MFAP3L: variants seen among roughly 807,000 people sequenced by gnomAD.
MFAP3L encodes microfibril associated protein 3 like.
MFAP3L carries 5 observed loss-of-function variants against 20.0 expected under a neutral mutation model. The ratio of observed to expected loss-of-function variants is 0.25; its 90% CI spans 0.13 to 0.53. MFAP3L has a LOEUF of 0.53. Ranked by LOEUF, MFAP3L falls within the 20% of genes least tolerant of loss-of-function variation. The pLI is 0.96. For missense variants in MFAP3L, 409 were observed against 527.5 expected (o/e 0.78, Z 2.20); for synonymous variants, 219 against 213.0 (o/e 1.03, Z -0.25).
Position 169,989,973 on chromosome 4 carries a change from G to A in MFAP3L, c.*1405C>T, listed in dbSNP as rs959694898. 2 of 152,216 alleles carry A rather than the reference G, an allele frequency of 1.3e-5. No individual in the cohort carries two copies. Among genetic ancestry groups the A allele is most frequent in the Non-Finnish European group, 2.9e-5 (2 of 68,028 alleles). 9.4% of individuals were successfully genotyped at this position (152,216 alleles called of 1,614,324 possible). On this transcript the variant is annotated 3_prime_UTR_variant, in exon 3 of 3. Coordinates refer to ENST00000361618, the MANE Select transcript of MFAP3L (RefSeq NM_021647.8). Reference sequence around the variant, plus strand: ...ATGTTAGGTGGACCAAGAGATGAAAGCAAAAATCTTTAAAGTCATTGTGAA... The same window carrying A: ...ATGTTAGGTGGACCAAGAGATGAAAACAAAAATCTTTAAAGTCATTGTGAA...
At chr4:169,997,434 ACT>A (rs1738260083) in intron 2 of MFAP3L, among the ~76,000 whole-genome samples, 1 of 152,166 alleles carries the variant, frequency 6.6e-6, no homozygotes, top group Non-Finnish European at 1.5e-5. Flanking sequence ...ATACTTAATG[ACT>A]CTAAAACATA....
Position 169,991,464 on chromosome 4 carries a change from C to A in MFAP3L, c.1144G>T (p.Val382Leu). ...GCTTCCAGGTAAGCTGGCGGCAGTA[C>A]CTTATCTGGTACCTCAACAGGTGTT... is the stretch of plus-strand genomic sequence containing the variant. The part of the protein sequence containing the change: ...EPTPVEVPDK[V>L]LPPAYLEATE... Residue 382 changes from valine to leucine, a missense_variant, in exon 3 of 3, where the codon GTA becomes TTA. Physicochemically the swap from Val to Leu is conservative, Grantham distance 32. This residue lies in a region of MFAP3L where 169 missense variants were observed against 178.2 expected (regional missense o/e 0.95). Transcript: ENST00000361618. The surrounding 1 kb of genome is among the most constrained non-coding windows in gnomAD (Gnocchi z 4.9). 1 of 1,614,046 alleles carries A rather than the reference C, an allele frequency of 6.2e-7. No homozygotes were observed. The highest frequency in any genetic ancestry group is 8.5e-7 in the Non-Finnish European group (1 of 1,180,016).
At chr4:169,999,191 A>AC (rs986324174) in intron 2 of MFAP3L, among the ~76,000 whole-genome samples, 3 of 151,974 alleles carry the variant, frequency 2.0e-5, no homozygotes, top group African/African-American at 7.3e-5. Context: ...CCCACTCACA[A>AC]CCCTCCCAAG....
chr4:169,995,430 T>C (rs1738071779), intron 2 of MFAP3L, among the ~76,000 whole-genome samples: 1 of 152,146 alleles, frequency 6.6e-6, no homozygotes, highest in Non-Finnish European at 1.5e-5. Flanking sequence ...AAAATAAAGA[T>C]TTCTGCACAT....
At chr4:170,012,986 C>T (rs950972548) in intron 1 of MFAP3L, among the ~76,000 whole-genome samples, 53 of 152,080 alleles carry the variant, frequency 3.5e-4, no homozygotes, top group East Asian at 1.9e-4. Context: ...ACAGAAGGCA[C>T]GTACTTTTTC....
intron 1 of MFAP3L, 55 bp downstream of exon 1, chr4:170,026,179 G>GGGCTGGCTCCCACCCGTGCCC (rs1730390244): frequency 2.1e-6 from 2 of 961,546 alleles, no homozygotes; most frequent in East Asian, 1.2e-4. Context: ...ACCCGGTGCG[G>GGGCTGGCTCCCACCCGTGCCC]GGCTGGCTCC....
intron 2 of MFAP3L, among the ~76,000 whole-genome samples, chr4:170,004,624 C>T (rs1172110519): frequency 6.6e-6 from 1 of 152,100 alleles, no homozygotes; most frequent in African/African-American, 2.4e-5. Flanking sequence ...GCATTAGCCT[C>T]TATTCTTTTT....
intron 2 of MFAP3L, chr4:169,993,512 G>A (rs904652014): frequency 2.6e-5 from 4 of 152,188 alleles, no homozygotes; most frequent in Admixed American, 2.6e-4. Context: ...TTTCCCAAAA[G>A]CAACTCTTTT....
chr4:169,994,668 A>AT, intron 2 of MFAP3L: 2 of 550,924 alleles, frequency 3.6e-6, no homozygotes, highest in Non-Finnish European at 4.6e-6. Context: ...TTCTTGTGAC[A>AT]TTGTTAAAAG....
chr4:170,001,618 T>C (rs1738622961), intron 2 of MFAP3L, among the ~76,000 whole-genome samples: 1 of 152,166 alleles, frequency 6.6e-6, no homozygotes, highest in Non-Finnish European at 1.5e-5. Flanking sequence ...TGAAAACACA[T>C]TGGATAATTA....
intron 2 of MFAP3L, among the ~76,000 whole-genome samples, chr4:169,998,977 A>G (rs1738415784): frequency 1.3e-5 from 2 of 152,240 alleles, no homozygotes; most frequent in Non-Finnish European, 2.9e-5. Flanking sequence ...GTTTGTATCT[A>G]TAAATGTGGC....
intron 1 of MFAP3L, among the ~76,000 whole-genome samples, chr4:170,020,125 A>C (rs542671659): frequency 6.6e-6 from 1 of 152,280 alleles, no homozygotes; most frequent in Middle Eastern, 3.4e-3. Flanking sequence ...AAGCACAGGC[A>C]GTGGAAGTTA....
intron 1 of MFAP3L, among the ~76,000 whole-genome samples, chr4:170,009,829 T>C (rs1739264978): frequency 6.6e-6 from 1 of 152,224 alleles, no homozygotes; most frequent in African/African-American, 2.4e-5. Flanking sequence ...GTTGCCCATG[T>C]ATTTCTGGAG....
At chr4:169,999,670 C>T (rs1477170526) in intron 2 of MFAP3L, among the ~76,000 whole-genome samples, 1 of 152,196 alleles carries the variant, frequency 6.6e-6, no homozygotes, top group Non-Finnish European at 1.5e-5. Context: ...AAGACTAAAG[C>T]TATCTGGGCT....
intron 1 of MFAP3L, among the ~76,000 whole-genome samples, chr4:170,022,321 T>G (rs1306439287): frequency 1.3e-5 from 2 of 152,210 alleles, no homozygotes; most frequent in Non-Finnish European, 2.9e-5. Context: ...ACCTGGGGTT[T>G]AGTTATCCAT....
At chr4:170,002,543 T>C (rs4295227) in intron 2 of MFAP3L, among the ~76,000 whole-genome samples, 21,741 of 151,946 alleles carry the variant, frequency 0.14, 4,051 homozygotes, top group African/African-American at 0.42. Flanking sequence ...CAGAGTCTCG[T>C]TCTGTCACCA....
chr4:169,992,584 C>T lies in MFAP3L; in HGVS notation c.299-275G>A, dbSNP rs970865110. Among the ~76,000 whole-genome samples, 16 of 152,318 alleles carry T rather than the reference C, an allele frequency of 1.1e-4. No individual in the cohort carries two copies. The South Asian group carries it at 3.1e-3, about 30-fold the overall frequency. ...GGTTAGACAACACTCCCAAGGGCACCGGCTTGGAAGCCGTAGAACTGAAGA... is the reference window on the plus strand; with the variant it reads ...GGTTAGACAACACTCCCAAGGGCACTGGCTTGGAAGCCGTAGAACTGAAGA... On this transcript the variant is annotated intron_variant, in intron 2 of 2. Transcript: ENST00000361618. The surrounding 1 kb of genome is among the most constrained non-coding windows in gnomAD (Gnocchi z 4.3).
Position 169,991,531 on chromosome 4 carries a change from A to G in MFAP3L, c.1077T>C (p.Pro359=). The G allele has an allele frequency of 6.2e-7, 1 of 1,614,098 alleles. No individual in the cohort carries two copies. Among genetic ancestry groups the G allele is most frequent in the Non-Finnish European group, 8.5e-7 (1 of 1,179,996 alleles). ...SAEHSPETAE[P]STDVTSTELT... ...GCTCGGTGGACGTGACATCGGTAGA[A>G]GGTTCTGCAGTTTCGGGGGAATGTT... The change falls in exon 3 of 3, where the codon CCT becomes CCC. Residue 359 remains proline (P), a synonymous_variant. Coordinates refer to ENST00000361618, the MANE Select transcript of MFAP3L (RefSeq NM_021647.8). This position sits in a 1 kb window ranked among gnomAD's most constrained non-coding sequence, Gnocchi z 4.9.
At chr4:170,014,719 G>C (rs1739591172) in intron 1 of MFAP3L, among the ~76,000 whole-genome samples, 1 of 152,204 alleles carries the variant, frequency 6.6e-6, no homozygotes, top group Non-Finnish European at 1.5e-5. Flanking sequence ...AAACCCGCAA[G>C]GCCTTGATAA....
Sources: allele counts gnomAD v4.1 joint callset (sites outside exome capture counted in the v4.1 genomes callset), GRCh38; gene constraint gnomAD v4.1.1; regional missense constraint gnomAD v4.1.1; non-coding constraint Gnocchi (gnomAD v3.1); transcripts MANE v1.5; gene names NCBI Gene and HGNC (gene_info 2026-07-23, HGNC 2026-07-21).